SLC9A1: variants seen among roughly 807,000 people sequenced by gnomAD.
The protein encoded by SLC9A1 is solute carrier family 9 member A1, also known as sodium/hydrogen exchanger 1.
Under a neutral mutation model 67.9 loss-of-function variants are expected in SLC9A1, and 22 were observed. The observed-to-expected ratio is 0.32, with a 90% CI of 0.23 to 0.46. The LOEUF (loss-of-function observed/expected upper bound fraction) is 0.46. SLC9A1 is among the 20% of genes least tolerant of loss of function. The pLI, the probability that SLC9A1 is intolerant of heterozygous loss-of-function variation, is 1.00. For missense variants in SLC9A1, 686 were observed against 1,094.8 expected, an observed-to-expected ratio of 0.63 and a Z score of 5.27; for synonymous variants, 421 against 471.8, an observed-to-expected ratio of 0.89 and a Z score of 1.40.
rs372542333 is a variant in SLC9A1, at chr1:27,140,033, T to C, written c.352+13950A>G. Among the ~76,000 whole-genome samples the C allele has an allele frequency of 9.9e-5, 15 of 152,112 alleles. No homozygotes were observed. The East Asian group carries it at 1.9e-3, about 20-fold the overall frequency. On this transcript the variant is annotated intron_variant, in intron 1 of 11. Coordinates refer to ENST00000263980, the MANE Select transcript of SLC9A1 (RefSeq NM_003047.5). ...GTCTGGAACTCCTGACCTCAAGTGATCCGCCCATCTCAGCCTCCCAAAGTG... is the reference window on the plus strand; with the variant it reads ...GTCTGGAACTCCTGACCTCAAGTGACCCGCCCATCTCAGCCTCCCAAAGTG...
At chr1:27,147,815 CA>C (rs553082545) in intron 1 of SLC9A1, among the ~76,000 whole-genome samples, 94 of 151,972 alleles carry the variant, frequency 6.2e-4, no homozygotes, top group Non-Finnish European at 1.1e-3. Flanking sequence ...ACCAACACGG[CA>C]AAACCCCATC....
chr1:27,115,811 T>A (rs1158801940), intron 1 of SLC9A1, among the ~76,000 whole-genome samples: 1 of 151,798 alleles, frequency 6.6e-6, no homozygotes, highest in Non-Finnish European at 1.5e-5. Context: ...TGCAGGCAGA[T>A]CCCATAACTG....
chr1:27,113,943 G>A lies in SLC9A1; in HGVS notation c.696C>T (p.Ser232=), dbSNP rs2083248130. The A allele has an allele frequency of 1.9e-6, 3 of 1,614,114 alleles. No homozygotes were observed. The highest frequency in any genetic ancestry group is 2.5e-6 in the Non-Finnish European group (3 of 1,180,054). Residue 232 remains serine (S), a synonymous_variant, in exon 2 of 12, where the codon AGC becomes AGT. Transcript: ENST00000263980. The part of the protein sequence containing the change: ...IGLLDNLLFG[S]IISAVDPVAV... ...CCACGGGGTCCACGGCCGAGATGAT[G>A]CTGCCGAAGAGCAGGTTGTCCAGGA...
intron 1 of SLC9A1, among the ~76,000 whole-genome samples, chr1:27,129,399 A>C (rs1295380425): frequency 6.6e-6 from 1 of 152,154 alleles, no homozygotes; most frequent in African/African-American, 2.4e-5. Flanking sequence ...TGTAGAGTGG[A>C]TAGGAGAACT....
chr1:27,150,142 C>T (rs1473994960), intron 1 of SLC9A1, among the ~76,000 whole-genome samples: 1 of 152,156 alleles, frequency 6.6e-6, no homozygotes, highest in African/African-American at 2.4e-5. Flanking sequence ...GAGAGAGGCA[C>T]CTTCTAGTGT....
intron 1 of SLC9A1, among the ~76,000 whole-genome samples, chr1:27,138,462 G>C (rs1426787930): frequency 6.6e-6 from 1 of 151,322 alleles, no homozygotes; most frequent in South Asian, 2.1e-4. Context: ...CTGACATCAG[G>C]AGCCTCTTCT....
intron 5 of SLC9A1, chr1:27,103,515 C>G: frequency 1.7e-6 from 1 of 586,762 alleles, no homozygotes; most frequent in Non-Finnish European, 3.1e-6. Flanking sequence ...TTCCTGGAGA[C>G]ACGGTCAGAG....
At chr1:27,141,761 AC>A (rs1422926904) in intron 1 of SLC9A1, among the ~76,000 whole-genome samples, 3 of 152,152 alleles carry the variant, frequency 2.0e-5, no homozygotes, top group African/African-American at 4.8e-5. Flanking sequence ...TCTTGCTGTA[AC>A]CTGAGTCTTA....
At chr1:27,103,925 G>C (rs1447147452) in intron 5 of SLC9A1, 1 of 152,630 alleles carries the variant, frequency 6.6e-6, no homozygotes, top group South Asian at 2.1e-4. Flanking sequence ...ACCCAGGCAG[G>C]CTGGCTCTGG....
chr1:27,113,676 G>C (rs1479391429), intron 2 of SLC9A1, 150 bp downstream of exon 2: 1 of 653,394 alleles, frequency 1.5e-6, no homozygotes, highest in African/African-American at 1.8e-5. Context: ...CCATGCCGAA[G>C]GGCTCAGCAT....
chr1:27,136,742 T>C (rs373373790), intron 1 of SLC9A1, among the ~76,000 whole-genome samples: 62 of 152,148 alleles, frequency 4.1e-4, no homozygotes, highest in African/African-American at 1.4e-3. Context: ...TCCCATCTGA[T>C]CAGTTTCTTA....
Position 27,101,536 on chromosome 1 carries a change from C to T in SLC9A1, c.2037+189G>A, listed in dbSNP as rs2083144691. ...CCTCTGTCCCCTGCCACTGCCCTAACCCAGGCCATGCCCCACAACCCCACG... is the reference window on the plus strand; with the variant it reads ...CCTCTGTCCCCTGCCACTGCCCTAATCCAGGCCATGCCCCACAACCCCACG... On this transcript the variant is annotated intron_variant, in intron 10 of 11. Transcript: ENST00000263980. This position sits in a 1 kb window ranked among gnomAD's most constrained non-coding sequence, Gnocchi z 4.9. 6.6e-6 allele frequency among the ~76,000 whole-genome samples: 1 copy of T among 152,226 alleles called. No homozygotes were observed. Among genetic ancestry groups the T allele is most frequent in the Non-Finnish European group, 1.5e-5 (1 of 68,040 alleles).
chr1:27,100,581 T>C lies in SLC9A1; in HGVS notation c.2174A>G (p.Gln725Arg), dbSNP rs1157791560. 2 of 1,613,866 alleles carry C rather than the reference T, an allele frequency of 1.2e-6. No homozygotes were observed. The highest frequency in any genetic ancestry group is 1.7e-6 in the Non-Finnish European group (2 of 1,179,842). The stretch of plus-strand genomic sequence containing the variant: ...CACCAGGTCCACAGACTCGGGTGAC[T>C]GCGGGGAAGCCGGGTCGATGGTGAT... ...PVITIDPASP[Q>R]SPESVDLVNE... Residue 725 changes from glutamine to arginine, a missense_variant, in exon 12 of 12, where the codon CAG (glutamine) becomes CGG (arginine). By Grantham distance (43) the Gln-to-Arg change is conservative. Around this residue, in one of 7 missense-constraint regions of SLC9A1, gnomAD observed 226 missense variants for 282.4 expected, o/e 0.80. Transcript: ENST00000263980. This position sits in a 1 kb window ranked among gnomAD's most constrained non-coding sequence, Gnocchi z 5.6.
In SLC9A1 at chr1:27,118,259, C is replaced by A. The variant is rs953940232; in HGVS notation, c.353-3973G>T. Among the ~76,000 whole-genome samples, 2 of 152,138 alleles carry A rather than the reference C, an allele frequency of 1.3e-5. No homozygotes were observed. Among genetic ancestry groups the A allele is most frequent in the African/African-American group, 4.8e-5 (2 of 41,434 alleles). ...GGCCTGAGGGGAGGGCCGGGCCGGG[C>A]CAGGCTGAGGAGAAAGGTCTGAGAT... On this transcript the variant is annotated intron_variant, in intron 1 of 11. Coordinates refer to ENST00000263980, the MANE Select transcript of SLC9A1 (RefSeq NM_003047.5). The surrounding 1 kb of genome is among the most constrained non-coding windows in gnomAD (Gnocchi z 4.3).
At chr1:27,139,855 C>T (rs146925400) in intron 1 of SLC9A1, among the ~76,000 whole-genome samples, 21 of 150,938 alleles carry the variant, frequency 1.4e-4, no homozygotes, top group Non-Finnish European at 2.5e-4. Flanking sequence ...TGCAGTGAGG[C>T]GATCTCGGCT....
intron 1 of SLC9A1, among the ~76,000 whole-genome samples, chr1:27,126,785 T>A (rs2083347069): frequency 6.6e-6 from 1 of 152,206 alleles, no homozygotes. Context: ...CTGGTTTAAC[T>A]TTTTTTCCTT....
intron 1 of SLC9A1, among the ~76,000 whole-genome samples, chr1:27,128,908 G>C (rs2083364123): frequency 6.6e-6 from 1 of 152,134 alleles, no homozygotes. Flanking sequence ...AGTGAGCCGA[G>C]ATCCTCACGC....
At chr1:27,103,615 T>C (rs954304003) in intron 5 of SLC9A1, 2 of 409,910 alleles carry the variant, frequency 4.9e-6, no homozygotes, top group Admixed American at 3.6e-5. Context: ...CACCACAGAC[T>C]TGCTCTGCAA....
chr1:27,136,793 C>T (rs1451225830), intron 1 of SLC9A1, among the ~76,000 whole-genome samples: 1 of 152,176 alleles, frequency 6.6e-6, no homozygotes, highest in Non-Finnish European at 1.5e-5. Flanking sequence ...CGGAAAATTC[C>T]CAGAGCCAAG....
Sources: gnomAD v4.1 joint callset for allele counts (sites outside exome capture counted in the v4.1 genomes callset) on GRCh38, gnomAD v4.1.1 for gene constraint, gnomAD v4.1.1 regional missense constraint, Gnocchi (gnomAD v3.1) non-coding constraint, MANE v1.5 for transcripts, NCBI Gene and HGNC (gene_info 2026-07-23, HGNC 2026-07-21) for gene names.